MEF2C: variants seen among roughly 807,000 people sequenced by gnomAD.
The protein encoded by MEF2C is myocyte-specific enhancer factor 2C.
Under a neutral mutation model 50.5 loss-of-function variants are expected in MEF2C, and 6 were observed. That is an observed-to-expected ratio of 0.12 (90% confidence interval 0.07 to 0.23). The LOEUF is 0.23. Ranked by LOEUF, MEF2C falls within the 10% of genes least tolerant of loss-of-function variation. MEF2C has a pLI of 1.00. For synonymous variants in MEF2C, 183 were observed against 228.0 expected (o/e 0.80, Z 1.78); for missense variants, 276 against 605.0 (o/e 0.46, Z 5.70).
intron 6 of MEF2C, chr5:88,733,420 A>C: frequency 1.0e-6 from 1 of 985,352 alleles, no homozygotes; most frequent in Non-Finnish European, 1.2e-6. Flanking sequence ...TGAAAGTTTC[A>C]GAGTAGAGGT....
At chr5:88,845,676 T>TA (rs1346004539) in intron 1 of MEF2C, among the ~76,000 whole-genome samples, 2 of 152,208 alleles carry the variant, frequency 1.3e-5, no homozygotes, top group Non-Finnish European at 2.9e-5. Context: ...AAGTTGGTGA[T>TA]AAAAATACAC....
intron 2 of MEF2C, among the ~76,000 whole-genome samples, chr5:88,820,801 T>C (rs1422153664): frequency 6.6e-6 from 1 of 152,004 alleles, no homozygotes; most frequent in African/African-American, 2.4e-5. Flanking sequence ...TTGCTGGTTT[T>C]GTTTATTAGA....
chr5:88,769,935 T>C (rs752635470), intron 3 of MEF2C: 1 of 983,168 alleles, frequency 1.0e-6, no homozygotes, highest in Non-Finnish European at 1.2e-6. Flanking sequence ...CATGGGCCAC[T>C]GTGTCCAGCC....
At chr5:88,761,636 A>C (rs1486302420) in intron 3 of MEF2C, 1 of 250,500 alleles carries the variant, frequency 4.0e-6, no homozygotes, top group East Asian at 8.7e-5. Context: ...ATTACAGCAG[A>C]ATACAATTAA....
At chr5:88,869,278 C>CATATATATATAT (rs57717988) in intron 1 of MEF2C, among the ~76,000 whole-genome samples, 6 of 48,612 alleles carry the variant, frequency 1.2e-4, no homozygotes, top group Admixed American at 2.6e-4. Flanking sequence ...TATATATATA[C>CATATATATATAT]ATATATATAT....
intron 2 of MEF2C, among the ~76,000 whole-genome samples, chr5:88,822,666 G>A (rs1322042971): frequency 2.6e-5 from 4 of 151,910 alleles, no homozygotes; most frequent in Non-Finnish European, 5.9e-5. Context: ...GAATCAATCA[G>A]TTCTAGTCCT....
intron 1 of MEF2C, among the ~76,000 whole-genome samples, chr5:88,875,056 G>C (rs529457717): frequency 7.6e-4 from 115 of 152,004 alleles, no homozygotes; most frequent in African/African-American, 2.6e-3. Flanking sequence ...AATCACATGG[G>C]TAACAGTTGA....
chr5:88,760,902 G>C, intron 4 of MEF2C: 3 of 1,434,552 alleles, frequency 2.1e-6, no homozygotes, highest in Non-Finnish European at 2.8e-6. Flanking sequence ...TTTCCGAAGA[G>C]TCTTAGAGAA....
intron 3 of MEF2C, among the ~76,000 whole-genome samples, chr5:88,792,484 C>T (rs777833253): frequency 6.6e-6 from 1 of 152,174 alleles, no homozygotes; most frequent in African/African-American, 2.4e-5. Flanking sequence ...TCCGAAGTGA[C>T]TCCTCAAATT....
intron 1 of MEF2C, chr5:88,877,976 G>A (rs1417451348): frequency 6.6e-6 from 1 of 151,992 alleles, no homozygotes; most frequent in African/African-American, 2.4e-5. Context: ...GGGAAGAAAT[G>A]TGGCTCTTGT....
At chr5:88,779,270 A>G (rs1334876654) in intron 3 of MEF2C, among the ~76,000 whole-genome samples, 1 of 152,204 alleles carries the variant, frequency 6.6e-6, no homozygotes, top group Non-Finnish European at 1.5e-5. Flanking sequence ...GAGGGGAAAC[A>G]GTACCATTAA....
chr5:88,720,597 A>G lies in MEF2C; in HGVS notation c.*2007T>C, dbSNP rs1437938685. 5 of 152,750 alleles carry G rather than the reference A, an allele frequency of 3.3e-5. No individual in the cohort carries two copies. Among genetic ancestry groups the G allele is most frequent in the Non-Finnish European group, 7.4e-5 (5 of 68,016 alleles). 9.5% of individuals were successfully genotyped at this position (152,750 alleles called of 1,614,324 possible). A position where few individuals can be genotyped will look rare whatever the true frequency, so the allele number is the denominator to read the frequency against. ...TATAGCAGTGTTGATATTACTGCCT[A>G]TATCTTCTTTGCTGTGTATGTCAAT... On this transcript the variant is annotated 3_prime_UTR_variant, in exon 11 of 11. Coordinates refer to ENST00000504921, the MANE Select transcript of MEF2C (RefSeq NM_002397.5).
At chr5:88,725,536 T>A (rs942770926) in intron 10 of MEF2C, among the ~76,000 whole-genome samples, 1 of 152,062 alleles carries the variant, frequency 6.6e-6, no homozygotes, top group African/African-American at 2.4e-5. Flanking sequence ...CCCTGATAAT[T>A]GTGAAATACT....
intron 3 of MEF2C, among the ~76,000 whole-genome samples, chr5:88,773,212 C>T (rs1166319368): frequency 1.3e-5 from 2 of 152,046 alleles, no homozygotes; most frequent in South Asian, 2.1e-4. Flanking sequence ...TTGTTATTGT[C>T]GATGAAAGAA....
chr5:88,817,149 T>C (rs1219370881), intron 2 of MEF2C, among the ~76,000 whole-genome samples: 1 of 152,034 alleles, frequency 6.6e-6, no homozygotes, highest in African/African-American at 2.4e-5. Context: ...TTCTCAATTA[T>C]CCAGTTACTC....
intron 3 of MEF2C, chr5:88,772,912 G>T (rs2152791641): frequency 2.0e-6 from 2 of 985,434 alleles, no homozygotes; most frequent in South Asian, 4.7e-5. Flanking sequence ...TGAGGGTTTT[G>T]CCTGAGCTTG....
At chr5:88,723,039 G>C in intron 10 of MEF2C, 114 bp from the exon 11 acceptor site, 1 of 968,258 alleles carries the variant, frequency 1.0e-6, no homozygotes, top group Non-Finnish European at 1.5e-6. Context: ...AGCATGCCCA[G>C]AGTGAAGAAA....
intron 3 of MEF2C, among the ~76,000 whole-genome samples, chr5:88,767,214 A>T (rs567452094): frequency 6.6e-6 from 1 of 152,292 alleles, no homozygotes; most frequent in Non-Finnish European, 1.5e-5. Flanking sequence ...TTGTACGCTT[A>T]TGTGTTAGGA....
intron 9 of MEF2C, 40 bp downstream of exon 9, chr5:88,729,178 A>T (rs1161269670): frequency 1.9e-6 from 3 of 1,608,814 alleles, no homozygotes; most frequent in Non-Finnish European, 2.5e-6. Flanking sequence ...TTCAATAAAA[A>T]GTATTTAGTG....
Sources: allele counts gnomAD v4.1 joint callset (sites outside exome capture counted in the v4.1 genomes callset), GRCh38; gene constraint gnomAD v4.1.1; transcripts MANE v1.5; gene names NCBI Gene and HGNC (gene_info 2026-07-23, HGNC 2026-07-21).